TOMM20: variants seen among roughly 807,000 people sequenced by gnomAD.
TOMM20 encodes the protein mitochondrial import receptor subunit TOM20 homolog.
A neutral mutation model predicts 22.1 loss-of-function variants in TOMM20; 10 were observed. The ratio of observed to expected loss-of-function variants is 0.45; its 90% CI spans 0.28 to 0.77. TOMM20 has a LOEUF of 0.77. Among genes scored for constraint, TOMM20 ranks in the 30% least tolerant of loss-of-function variants. TOMM20 has a pLI of 0.13. For synonymous variants in TOMM20, 55 were observed against 61.4 expected (o/e 0.90, Z 0.49); for missense variants, 121 against 172.2 (o/e 0.70, Z 1.66).
At chr1:235,120,157 A>C (rs191669283) in intron 2 of TOMM20, among the ~76,000 whole-genome samples, 81 of 152,332 alleles carry the variant, frequency 5.3e-4, no homozygotes, top group African/African-American at 1.8e-3. Context: ...AGAGTGCAAA[A>C]TCTATACCGT....
intron 4 of TOMM20, 107 bp from the exon 5 acceptor site, chr1:235,112,215 G>T (rs1660751252): frequency 2.2e-6 from 2 of 890,796 alleles, no homozygotes; most frequent in African/African-American, 1.7e-5. Flanking sequence ...TCTTAGTAAA[G>T]TTCACCCATT....
rs1660697495 is a variant in TOMM20 at position 235,109,380 on chromosome 1, G to A, written c.*2684C>T. 1 of 152,174 alleles carries A rather than the reference G, an allele frequency of 6.6e-6. No homozygotes were observed. The highest frequency in any genetic ancestry group is 2.4e-5 in the African/African-American group (1 of 41,438). The allele number at this position is 152,174 out of a possible 1,614,324, so 9.4% of individuals were successfully genotyped here. The stretch of plus-strand genomic sequence containing the variant: ...TTTAATATTCACTTAAACAGTTGAG[G>A]CACAAGCAATAATAAAACTGCATTT... On this transcript the variant is annotated 3_prime_UTR_variant, in exon 5 of 5. Transcript: ENST00000366607.
intron 1 of TOMM20, among the ~76,000 whole-genome samples, chr1:235,122,733 G>C (rs962832422): frequency 3.3e-5 from 5 of 152,212 alleles, no homozygotes; most frequent in Non-Finnish European, 7.3e-5. Context: ...GTATTAGGGA[G>C]TTTTATTACT....
intron 3 of TOMM20, among the ~76,000 whole-genome samples, chr1:235,115,348 G>T (rs1334939156): frequency 6.6e-6 from 1 of 151,870 alleles, no homozygotes; most frequent in Admixed American, 6.6e-5. Context: ...AAAATAATAC[G>T]GCCGGGAGCA....
chr1:235,121,305 T>A (rs1174015049), intron 2 of TOMM20, among the ~76,000 whole-genome samples: 2 of 152,196 alleles, frequency 1.3e-5, no homozygotes, highest in African/African-American at 4.8e-5. Context: ...TGAAACAATT[T>A]AAATTTCTGA....
At chr1:235,125,251 G>C (rs930334076) in intron 1 of TOMM20, among the ~76,000 whole-genome samples, 1 of 151,872 alleles carries the variant, frequency 6.6e-6, no homozygotes, top group Non-Finnish European at 1.5e-5. Context: ...GTCTCGCTTT[G>C]TCGCCCAGGC....
rs145727776 is a variant in TOMM20 at position 235,124,808 on chromosome 1, T to C, written c.122-2436A>G. Among the ~76,000 whole-genome samples, 3 of 152,284 alleles carry C rather than the reference T, an allele frequency of 2.0e-5. No individual in the cohort carries two copies. In the East Asian group the frequency reaches 5.8e-4, roughly 29 times the overall value. ...TAAAATTCTGGCTTTAGTTTCATAA[T>C]ACAATTAACTTATTACATTAACATA... On this transcript the variant is annotated intron_variant, in intron 1 of 4. Coordinates refer to ENST00000366607, the MANE Select transcript of TOMM20 (RefSeq NM_014765.3).
At chr1:235,116,337 G>A (rs11581516) in intron 3 of TOMM20, among the ~76,000 whole-genome samples, 23,985 of 151,558 alleles carry the variant, frequency 0.16, 2,075 homozygotes, top group Middle Eastern at 0.24. Flanking sequence ...TCAAAATATC[G>A]AGACCATCCT....
intron 1 of TOMM20, among the ~76,000 whole-genome samples, chr1:235,123,792 C>T (rs1660969711): frequency 6.6e-6 from 1 of 152,342 alleles, no homozygotes; most frequent in African/African-American, 2.4e-5. Flanking sequence ...ATTCAACCCT[C>T]CATTTGCTTA....
chr1:235,118,607 G>A (rs1435743454), intron 3 of TOMM20, among the ~76,000 whole-genome samples: 5 of 152,194 alleles, frequency 3.3e-5, no homozygotes, highest in Admixed American at 6.5e-5. Context: ...GCTCACTAGA[G>A]CCTCAAACTC....
Position 235,116,996 on chromosome 1 carries a change from G to A in TOMM20, c.250+2822C>T, listed in dbSNP as rs535278980. On this transcript the variant is annotated intron_variant, in intron 3 of 4. Transcript: ENST00000366607. ...TAAAAATACAAAAAACTAGCCGGGC[G>A]TGGTGGTGGGCGCCTGTAGTCCCAG... Among the ~76,000 whole-genome samples, 41 of 150,598 alleles carry A rather than the reference G, an allele frequency of 2.7e-4. 1 individual carries two copies. Among genetic ancestry groups the A allele is most frequent in the South Asian group, 1.5e-3 (7 of 4,750 alleles).
chr1:235,121,400 T>C (rs191555394), intron 2 of TOMM20, among the ~76,000 whole-genome samples: 69 of 152,264 alleles, frequency 4.5e-4, no homozygotes, highest in Non-Finnish European at 7.5e-4. Context: ...TACTGGTGCA[T>C]GTCTCAATCT....
intron 1 of TOMM20, among the ~76,000 whole-genome samples, chr1:235,123,110 G>GT (rs1279820785): frequency 6.6e-6 from 1 of 152,182 alleles, no homozygotes; most frequent in African/African-American, 2.4e-5. Flanking sequence ...CAGGACTACA[G>GT]TGAGAAACAA....
intron 3 of TOMM20, among the ~76,000 whole-genome samples, chr1:235,117,831 C>A (rs1660860537): frequency 1.3e-5 from 2 of 151,714 alleles, no homozygotes; most frequent in East Asian, 3.9e-4. Context: ...ATCTCCACTG[C>A]CAATGTGAGG....
At chr1:235,112,198 A>AGC in intron 4 of TOMM20, 90 bp from the exon 5 acceptor site, 2 of 1,051,284 alleles carry the variant, frequency 1.9e-6, no homozygotes, top group Non-Finnish European at 2.8e-6. Flanking sequence ...GTATTCAAAG[A>AGC]ATTGAATCTT....
At chr1:235,114,439 CTTTTTTTTTT>C (rs67573955) in intron 3 of TOMM20, among the ~76,000 whole-genome samples, 14 of 131,606 alleles carry the variant, frequency 1.1e-4, no homozygotes, top group Admixed American at 5.4e-4. Context: ...CTTATTTTTT[CTTTTTTTTTT>C]TTTTTTTGAG....
chr1:235,125,068 C>T (rs1660988478), intron 1 of TOMM20, among the ~76,000 whole-genome samples: 1 of 152,182 alleles, frequency 6.6e-6, no homozygotes, highest in Admixed American at 6.5e-5. Flanking sequence ...ATTTCATTTA[C>T]TCATAATTTA....
intron 3 of TOMM20, among the ~76,000 whole-genome samples, chr1:235,119,115 C>G (rs765840348): frequency 6.6e-6 from 1 of 152,138 alleles, no homozygotes; most frequent in Non-Finnish European, 1.5e-5. Flanking sequence ...GTTTTAATAA[C>G]GATAGCAACT....
intron 1 of TOMM20, among the ~76,000 whole-genome samples, chr1:235,126,879 C>T (rs1012255054): frequency 7.2e-5 from 11 of 152,168 alleles, no homozygotes; most frequent in Non-Finnish European, 1.5e-4. Flanking sequence ...TACACTATAC[C>T]ATTTTACAAA....
Sources: gnomAD v4.1 joint callset for allele counts (sites outside exome capture counted in the v4.1 genomes callset) on GRCh38, gnomAD v4.1.1 for gene constraint, MANE v1.5 for transcripts, NCBI Gene and HGNC (gene_info 2026-07-23, HGNC 2026-07-21) for gene names.